The following DOCK3 variants were observed in gnomAD, a reference collection of about 807,000 sequenced individuals.
The protein encoded by DOCK3 is dedicator of cytokinesis 3.
A neutral mutation model predicts 265.6 loss-of-function variants in DOCK3; 60 were observed. That is an observed-to-expected ratio of 0.23 (90% CI 0.18 to 0.28). DOCK3 has a LOEUF of 0.28. Among genes scored for constraint, DOCK3 ranks in the 10% least tolerant of loss-of-function variants. DOCK3 has a pLI of 1.00. For synonymous variants in DOCK3, 881 were observed against 938.0 expected, an observed-to-expected ratio of 0.94 and a Z score of 1.11; for missense variants, 1,981 against 2,594.3, an observed-to-expected ratio of 0.76 and a Z score of 5.14.
At chr3:51,241,496 A>G (rs972939192) in intron 21 of DOCK3, among the ~76,000 whole-genome samples, 6 of 152,146 alleles carry the variant, frequency 3.9e-5, no homozygotes, top group Non-Finnish European at 8.8e-5. Context: ...GTCTTCATGG[A>G]TGATATCCTG....
At chr3:51,171,331 A>T (rs758921576) in intron 12 of DOCK3, among the ~76,000 whole-genome samples, 1 of 152,104 alleles carries the variant, frequency 6.6e-6, no homozygotes, top group Non-Finnish European at 1.5e-5. Context: ...ATATTTGTGA[A>T]ATTTTCAGTT....
chr3:51,069,298 C>T (rs995899837), intron 6 of DOCK3, among the ~76,000 whole-genome samples: 6 of 152,016 alleles, frequency 3.9e-5, no homozygotes, highest in African/African-American at 1.4e-4. Context: ...ATATCTACTC[C>T]AAATTTTAAA....
chr3:50,874,495 C>G (rs971166030), intron 3 of DOCK3, among the ~76,000 whole-genome samples: 2 of 150,400 alleles, frequency 1.3e-5, no homozygotes, highest in Non-Finnish European at 3.0e-5. Context: ...GAAATGGGAC[C>G]CTGTATCTTA....
At chr3:51,026,228 G>A (rs2079810389) in intron 5 of DOCK3, among the ~76,000 whole-genome samples, 1 of 152,146 alleles carries the variant, frequency 6.6e-6, no homozygotes, top group African/African-American at 2.4e-5. Flanking sequence ...AGTCTATTGA[G>A]ATGGTCATAT....
intron 12 of DOCK3, among the ~76,000 whole-genome samples, chr3:51,203,787 A>T (rs2088977307): frequency 6.6e-6 from 1 of 152,212 alleles, no homozygotes; most frequent in South Asian, 2.1e-4. Context: ...ACAGTAACCA[A>T]AACAGCATGG....
chr3:50,824,909 A>T (rs1248907391), intron 2 of DOCK3, among the ~76,000 whole-genome samples: 1 of 152,208 alleles, frequency 6.6e-6, no homozygotes, highest in Non-Finnish European at 1.5e-5. Flanking sequence ...GTATCTTTGT[A>T]TTAATCTTTA....
At chr3:50,694,821 A>G (rs1056366568) in intron 1 of DOCK3, among the ~76,000 whole-genome samples, 1 of 152,218 alleles carries the variant, frequency 6.6e-6, no homozygotes, top group Non-Finnish European at 1.5e-5. Context: ...CAAAACAAAC[A>G]AACAAAAAAA....
At position 51,329,346 on chromosome 3, in the gene DOCK3, T is replaced by TA. The variant is rs201235427; in HGVS notation, c.3403-791dup. On this transcript the variant is annotated intron_variant, in intron 32 of 52. Transcript: ENST00000266037. ...GCAGCAGACCACCATGGCACATGCT[T>TA]ACCCACGTAACAAACCTGGCACAGG... is the stretch of plus-strand genomic sequence containing the variant. Among the ~76,000 whole-genome samples the TA allele has an allele frequency of 5.8e-4, 88 of 152,174 alleles. 1 individual carries two copies. In the East Asian group the frequency reaches 0.011, roughly 20 times the overall value.
intron 14 of DOCK3, among the ~76,000 whole-genome samples, chr3:51,215,796 A>G (rs1053542515): frequency 6.6e-6 from 1 of 152,188 alleles, no homozygotes; most frequent in South Asian, 2.1e-4. Flanking sequence ...TGGATGGGAA[A>G]TGTAGGCTAG....
In DOCK3 at chr3:51,293,992, TTAGTGATATTGTAAA is replaced by T. The variant is rs556031363; in HGVS notation, c.2922+13791_2922+13805del. Among the ~76,000 whole-genome samples, 4 of 152,338 alleles carry T rather than the reference TTAGTGATATTGTAAA, an allele frequency of 2.6e-5. No individual in the cohort carries two copies. The South Asian group carries it at 8.3e-4, about 32-fold the overall frequency. On this transcript the variant is annotated intron_variant, in intron 27 of 52. Coordinates refer to ENST00000266037, the MANE Select transcript of DOCK3 (RefSeq NM_004947.5). ...GAGAAAAGGGAACTCTTGTACACTG[TTAGTGATATTGTAAA>T]TACAGCCATTTTGGAAAACAGTATG...
chr3:51,040,095 C>G (rs372806414), intron 5 of DOCK3, among the ~76,000 whole-genome samples: 1 of 151,978 alleles, frequency 6.6e-6, no homozygotes, highest in East Asian at 1.9e-4. Context: ...TTTCTCTATA[C>G]CACCTACTAA....
intron 36 of DOCK3, 147 bp downstream of exon 36, chr3:51,338,566 C>T (rs1348849100): frequency 8.5e-6 from 7 of 826,440 alleles, no homozygotes; most frequent in East Asian, 2.7e-5. Context: ...ATCTTAGAGG[C>T]CTGCACTCCC....
chr3:50,858,454 A>AATAATAAT (rs1559732505), intron 3 of DOCK3, among the ~76,000 whole-genome samples: 17 of 133,888 alleles, frequency 1.3e-4, no homozygotes, highest in African/African-American at 4.4e-4. Context: ...ATAATAATAA[A>AATAATAAT]AATAAAATGT....
At chr3:50,880,544 C>A in intron 3 of DOCK3, 1 of 201,228 alleles carries the variant, frequency 5.0e-6, no homozygotes, top group Non-Finnish European at 1.0e-5. Context: ...GGATAAATTC[C>A]TGGATATATA....
At position 50,859,179 on chromosome 3, in the gene DOCK3, G is replaced by C. The variant is rs1049002752; in HGVS notation, c.162+17464G>C. 2.7e-5 allele frequency among the ~76,000 whole-genome samples: 4 copies of C among 147,046 alleles called. No individual in the cohort carries two copies. In the South Asian group the frequency reaches 8.6e-4, roughly 32 times the overall value. ...TCTGTCATTCCGGCTAGTTCAGCCT[G>C]GTCAAGAACTCTTGTTGGAGAACTG... On this transcript the variant is annotated intron_variant, in intron 3 of 52. Transcript: ENST00000266037.
chr3:50,824,308 A>G (rs1295584311), intron 2 of DOCK3, among the ~76,000 whole-genome samples: 1 of 152,222 alleles, frequency 6.6e-6, no homozygotes, highest in Non-Finnish European at 1.5e-5. Flanking sequence ...GAATTATATA[A>G]GAGTTTGCTA....
chr3:50,779,394 T>C (rs1385995252), intron 2 of DOCK3, among the ~76,000 whole-genome samples: 1 of 152,184 alleles, frequency 6.6e-6, no homozygotes, highest in Non-Finnish European at 1.5e-5. Context: ...TTTATTTATT[T>C]TTTTTTGAGA....
chr3:50,851,337 T>C (rs1489040564), intron 3 of DOCK3, among the ~76,000 whole-genome samples: 2 of 151,998 alleles, frequency 1.3e-5, no homozygotes, highest in African/African-American at 4.8e-5. Context: ...GGAGATCTGC[T>C]TGGGTGTAGC....
At chr3:51,296,705 T>C (rs1329050907) in intron 27 of DOCK3, among the ~76,000 whole-genome samples, 1 of 152,114 alleles carries the variant, frequency 6.6e-6, no homozygotes, top group Non-Finnish European at 1.5e-5. Context: ...CTCGATCTCC[T>C]GACCTTGTGA....
Sources: allele counts gnomAD v4.1 joint callset (sites outside exome capture counted in the v4.1 genomes callset), GRCh38; gene constraint gnomAD v4.1.1; transcripts MANE v1.5; gene names NCBI Gene and HGNC (gene_info 2026-07-23, HGNC 2026-07-21).